The following STK24 variants were observed in gnomAD, a reference collection of about 807,000 sequenced individuals.
STK24 encodes serine/threonine-protein kinase 24.
Under a neutral mutation model 55.6 loss-of-function variants are expected in STK24, and 21 were observed. The ratio of observed to expected loss-of-function variants is 0.38; its 90% CI spans 0.27 to 0.54. The LOEUF (loss-of-function observed/expected upper bound fraction) is 0.54, where lower values mean the gene tolerates loss of function less well. Ranked by LOEUF, STK24 falls within the 20% of genes least tolerant of loss-of-function variation. The pLI, the probability that STK24 is intolerant of heterozygous loss-of-function variation, is 0.79. For synonymous variants in STK24, 200 were observed against 215.2 expected, an observed-to-expected ratio of 0.93 and a Z score of 0.62; for missense variants, 383 against 538.4, an observed-to-expected ratio of 0.71 and a Z score of 2.86.
chr13:98,548,000 G>A (rs1419539135), intron 1 of STK24, among the ~76,000 whole-genome samples: 2 of 152,106 alleles, frequency 1.3e-5, no homozygotes, highest in Non-Finnish European at 2.9e-5. Flanking sequence ...TAAGAACTCA[G>A]AGAGACTCTA....
At position 98,502,472 on chromosome 13, in the gene STK24, T is replaced by C. The variant is rs74242970; in HGVS notation, c.273+16771A>G. Among the ~76,000 whole-genome samples the C allele has an allele frequency of 6.1e-4, 93 of 152,288 alleles. No homozygotes were observed. In the East Asian group the frequency reaches 0.016, roughly 26 times the overall value. ...ATTTGAATGTGTCCCCCAAAATTCA[T>C]GGGTTGGAAACTTAATCTCCAATGC... On this transcript the variant is annotated intron_variant, in intron 2 of 10. Coordinates refer to ENST00000539966, the MANE Select transcript of STK24 (RefSeq NM_001032296.4).
intron 2 of STK24, among the ~76,000 whole-genome samples, chr13:98,504,690 C>T (rs936131779): frequency 1.3e-5 from 2 of 152,198 alleles, no homozygotes; most frequent in Non-Finnish European, 2.9e-5. Flanking sequence ...CTGTCCTCAA[C>T]CAGGAGGAAG....
chr13:98,576,301 G>C lies in STK24; in HGVS notation c.42+444C>G. 6 of 865,456 alleles carry C rather than the reference G, an allele frequency of 6.9e-6. No homozygotes were observed. The South Asian group carries it at 1.6e-4, about 22-fold the overall frequency. 53.6% of individuals were successfully genotyped at this position (865,456 alleles called of 1,614,324 possible). The stretch of plus-strand genomic sequence containing the variant: ...GCCCAGGTCTCCCGCCCGCCTGCCC[G>C]GGGGTGGGGGACGAGCCTGGGGGAC... On this transcript the variant is annotated intron_variant, in intron 1 of 10. Transcript: ENST00000539966.
Position 98,446,118 on chromosome 13 carries a change from G to C in STK24, c.*7055C>G. The C allele has an allele frequency of 1.9e-6, 3 of 1,613,908 alleles. No homozygotes were observed. Among genetic ancestry groups the C allele is most frequent in the South Asian group, 2.2e-5 (2 of 91,074 alleles). ...TTCAGAATCAGTTGTCTGGAAACCT[G>C]CTGAGGAAATTCAAAAACAGCAACG... On this transcript the variant is annotated 3_prime_UTR_variant, in exon 11 of 11. Transcript: ENST00000539966.
chr13:98,489,981 C>T (rs1399552087), intron 2 of STK24, among the ~76,000 whole-genome samples: 2 of 152,260 alleles, frequency 1.3e-5, no homozygotes, highest in African/African-American at 4.8e-5. Context: ...AGGCCCAAAA[C>T]GGTTCTAGAA....
At chr13:98,537,041 A>T (rs1896756760) in intron 1 of STK24, among the ~76,000 whole-genome samples, 1 of 152,226 alleles carries the variant, frequency 6.6e-6, no homozygotes, top group Admixed American at 6.5e-5. Flanking sequence ...AAAGATGAGA[A>T]GGGGAGGCTT....
At chr13:98,472,973 G>T (rs1374222510) in intron 5 of STK24, among the ~76,000 whole-genome samples, 1 of 151,880 alleles carries the variant, frequency 6.6e-6, no homozygotes, top group Non-Finnish European at 1.5e-5. Context: ...AGGTGCCCAT[G>T]CCTTCTGCCC....
At chr13:98,486,534 C>A (rs147284422) in intron 2 of STK24, among the ~76,000 whole-genome samples, 4 of 152,348 alleles carry the variant, frequency 2.6e-5, no homozygotes, top group Admixed American at 1.3e-4. Context: ...CACCCCAGCA[C>A]TGACTTTTGG....
At chr13:98,543,718 C>T (rs1298449171) in intron 1 of STK24, among the ~76,000 whole-genome samples, 1 of 152,160 alleles carries the variant, frequency 6.6e-6, no homozygotes, top group Non-Finnish European at 1.5e-5. Context: ...ACGCAGGACA[C>T]CCCTCGACTG....
chr13:98,472,313 T>C (rs1429837643), intron 5 of STK24, among the ~76,000 whole-genome samples: 3 of 152,134 alleles, frequency 2.0e-5, no homozygotes, highest in Non-Finnish European at 4.4e-5. Context: ...ACATAAGAGT[T>C]TGCTCATGAT....
chr13:98,545,504 G>A (rs1313357495), intron 1 of STK24, among the ~76,000 whole-genome samples: 4 of 152,106 alleles, frequency 2.6e-5, no homozygotes, highest in Non-Finnish European at 4.4e-5. Context: ...CTTGGTGGCG[G>A]GCGCCTGTAG....
chr13:98,494,637 T>G (rs1050855032), intron 2 of STK24, among the ~76,000 whole-genome samples: 57 of 152,178 alleles, frequency 3.7e-4, no homozygotes, highest in Non-Finnish European at 7.2e-4. Flanking sequence ...GGCATTTTTT[T>G]TCTAGTGTTG....
chr13:98,460,906 G>A (rs191029552), intron 8 of STK24, among the ~76,000 whole-genome samples: 6 of 152,154 alleles, frequency 3.9e-5, no homozygotes, highest in Non-Finnish European at 7.4e-5. Flanking sequence ...AAATAAACTG[G>A]GCGTGATGTC....
intron 1 of STK24, among the ~76,000 whole-genome samples, chr13:98,548,236 AAAAT>A (rs1250444465): frequency 6.6e-6 from 1 of 152,202 alleles, no homozygotes; most frequent in Admixed American, 6.5e-5. Flanking sequence ...TCCTGGGGCT[AAAAT>A]AAGACAATTT....
intron 1 of STK24, among the ~76,000 whole-genome samples, chr13:98,536,225 T>TA (rs1896732273): frequency 6.6e-6 from 1 of 152,120 alleles, no homozygotes; most frequent in Non-Finnish European, 1.5e-5. Context: ...GCAATCAAGA[T>TA]ACAATCTGTG....
At chr13:98,530,469 C>T (rs1324768704) in intron 1 of STK24, among the ~76,000 whole-genome samples, 10 of 151,978 alleles carry the variant, frequency 6.6e-5, no homozygotes, top group Non-Finnish European at 5.9e-5. Context: ...CTGTCATGCC[C>T]GGGTGCCCTC....
chr13:98,552,573 G>A (rs1359987400), intron 1 of STK24, among the ~76,000 whole-genome samples: 2 of 152,220 alleles, frequency 1.3e-5, no homozygotes, highest in South Asian at 2.1e-4. Context: ...AGTGAATTGG[G>A]GAGCAGAGCA....
chr13:98,501,572 C>T (rs999780039), intron 2 of STK24, among the ~76,000 whole-genome samples: 8 of 152,060 alleles, frequency 5.3e-5, no homozygotes, highest in South Asian at 2.1e-4. Context: ...ATGATAGAAT[C>T]GATTGGCAGA....
At position 98,448,405 on chromosome 13, in the gene STK24, C is replaced by CCTGT. The variant is rs970259837; in HGVS notation, c.*4764_*4767dup. ...TTAATGAAGCCTGGTAAAATTAACA[C>CCTGT]CTGTCTGAAAATCAAAAACATGGCT... is the stretch of plus-strand genomic sequence containing the variant. On this transcript the variant is annotated 3_prime_UTR_variant, in exon 11 of 11. Coordinates refer to ENST00000539966, the MANE Select transcript of STK24 (RefSeq NM_001032296.4). 1.0e-5 allele frequency: 11 copies of CCTGT among 1,088,368 alleles called. No individual in the cohort carries two copies. The East Asian group carries it at 2.2e-4, about 21-fold the overall frequency. 67.4% of individuals were successfully genotyped at this position (1,088,368 alleles called of 1,614,324 possible). A position where few individuals can be genotyped will look rare whatever the true frequency, so the allele number is the denominator to read the frequency against.
Sources: gnomAD v4.1 joint callset for allele counts (sites outside exome capture counted in the v4.1 genomes callset) on GRCh38, gnomAD v4.1.1 for gene constraint, MANE v1.5 for transcripts, NCBI Gene and HGNC (gene_info 2026-07-23, HGNC 2026-07-21) for gene names.